OLFM1: variants seen among roughly 807,000 people sequenced by gnomAD.
OLFM1 encodes olfactomedin 1, also known as noelin.
Under a neutral mutation model 49.7 loss-of-function variants are expected in OLFM1, and 9 were observed. The ratio of observed to expected loss-of-function variants is 0.18; its 90% confidence interval spans 0.11 to 0.32. The LOEUF (loss-of-function observed/expected upper bound fraction) is 0.32. Ranked by LOEUF, OLFM1 falls within the 10% of genes least tolerant of loss-of-function variation. OLFM1 has a pLI of 1.00. For missense variants in OLFM1, 369 were observed against 661.8 expected (o/e 0.56, Z 4.85); for synonymous variants, 240 against 271.8 (o/e 0.88, Z 1.15).
At chr9:135,077,388 C>G in intron 1 of OLFM1, 1 of 889,984 alleles carries the variant, frequency 1.1e-6, no homozygotes, top group Non-Finnish European at 1.5e-6. Context: ...CTTTTCCTCC[C>G]TAAGTTCTCC....
chr9:135,076,261 G>A, intron 1 of OLFM1: 1 of 1,550,578 alleles, frequency 6.4e-7, no homozygotes, highest in Admixed American at 2.0e-5. Flanking sequence ...GCTGCCCTTG[G>A]GGGCTCCAGA....
chr9:135,088,240 C>G lies in OLFM1; in HGVS notation c.150+101C>G, dbSNP rs1392703795. 1.8e-6 allele frequency: 2 copies of G among 1,121,252 alleles called. No individual in the cohort carries two copies. The highest frequency in any genetic ancestry group is 2.2e-6 in the Non-Finnish European group (2 of 894,456). The allele number at this position is 1,121,252 out of a possible 1,614,324, so 69.5% of individuals were successfully genotyped here. A position where few individuals can be genotyped will look rare whatever the true frequency, so the allele number is the denominator to read the frequency against. ...GGCTGGGCGGGCGCCGCGCGGGACC[C>G]GAGTCGCCCAGGGAGGCGGCGGGGA... On this transcript the variant is annotated intron_variant, in intron 1 of 5. Transcript: ENST00000371793. This position sits in a 1 kb window ranked among gnomAD's most constrained non-coding sequence, Gnocchi z 4.8.
rs1830641820 is a variant in OLFM1 at position 135,088,934 on chromosome 9, G to A, written c.150+795G>A. Among the ~76,000 whole-genome samples the A allele has an allele frequency of 6.6e-6, 1 of 152,196 alleles. No individual in the cohort carries two copies. The highest frequency in any genetic ancestry group is 2.4e-5 in the African/African-American group (1 of 41,454). On this transcript the variant is annotated intron_variant, in intron 1 of 5. Transcript: ENST00000371793. This position sits in a 1 kb window ranked among gnomAD's most constrained non-coding sequence, Gnocchi z 4.8. ...GCTTCTGGGCAGAGCTGACTTAGAT[G>A]GCTGAGCGAGGCTGAGCTGAAACCG...
chr9:135,090,532 G>A (rs1026753443), intron 2 of OLFM1, among the ~76,000 whole-genome samples, 188 bp downstream of exon 2: 46 of 152,146 alleles, frequency 3.0e-4, no homozygotes, highest in African/African-American at 1.1e-3. Context: ...GGACGGATGG[G>A]TGGATGGGTG....
chr9:135,114,157 G>A (rs1220128891), intron 5 of OLFM1, among the ~76,000 whole-genome samples: 1 of 92,862 alleles, frequency 1.1e-5, no homozygotes, highest in African/African-American at 7.6e-5. Context: ...TTTTGAGACA[G>A]GGTCTCACTC....
rs1831181023 is a variant in OLFM1 at position 135,121,087 on chromosome 9, A to G, written c.*909A>G. On this transcript the variant is annotated 3_prime_UTR_variant, in exon 6 of 6. Coordinates refer to ENST00000371793, the MANE Select transcript of OLFM1 (RefSeq NM_001282611.2). ...GATGGGACAGGAAAGTCATACGGGC[A>G]ACAGTATGCGGAAAGTACGTTTTTT... 6.6e-6 allele frequency: 1 copy of G among 152,350 alleles called. No individual in the cohort carries two copies. The highest frequency in any genetic ancestry group is 6.5e-5 in the Admixed American group (1 of 15,286). 9.4% of individuals were successfully genotyped at this position (152,350 alleles called of 1,614,324 possible). A position where few individuals can be genotyped will look rare whatever the true frequency, so the allele number is the denominator to read the frequency against.
intron 4 of OLFM1, chr9:135,106,119 C>G (rs1830939103): frequency 6.6e-6 from 1 of 152,590 alleles, no homozygotes; most frequent in Non-Finnish European, 1.5e-5. Context: ...TGCGCTCCAG[C>G]TTGGGCTCCT....
chr9:135,088,115 C>A lies in OLFM1; in HGVS notation c.126C>A (p.Gly42=), dbSNP rs559188970. The A allele has an allele frequency of 1.4e-6, 2 of 1,407,600 alleles. No individual in the cohort carries two copies. The highest frequency in any genetic ancestry group is 9.4e-7 in the Non-Finnish European group (1 of 1,064,274). 87.2% of individuals were successfully genotyped at this position (1,407,600 alleles called of 1,614,324 possible). ...CCACCAAGCTCTCGGCGGCCGGCGG[C>A]GGGACGCTGGACCGCAGCACCGGCG... ...LNTTKLSAAG[G]GTLDRSTGVL... The change falls in exon 1 of 6, where the codon GGC becomes GGA. Residue 42 remains glycine, a synonymous_variant. Transcript: ENST00000371793. The surrounding 1 kb of genome is among the most constrained non-coding windows in gnomAD (Gnocchi z 4.8).
intron 2 of OLFM1, among the ~76,000 whole-genome samples, chr9:135,091,682 T>TCACACACAGTCACACACAC (rs1564270847): frequency 1.5e-4 from 2 of 13,248 alleles, no homozygotes; most frequent in Admixed American, 7.3e-4. Flanking sequence ...CACTCACACA[T>TCACACACAGTCACACACAC]AGTCTCACAC....
intron 1 of OLFM1, among the ~76,000 whole-genome samples, chr9:135,078,457 G>A (rs1020496075): frequency 6.6e-5 from 10 of 152,312 alleles, no homozygotes; most frequent in South Asian, 2.1e-4. Context: ...CTGTTCTCCC[G>A]ACAGCTTACT....
At chr9:135,116,560 T>C in intron 5 of OLFM1, among the ~76,000 whole-genome samples, 1 of 151,890 alleles carries the variant, frequency 6.6e-6, no homozygotes, top group East Asian at 1.9e-4. Context: ...GGCTTGTTTG[T>C]GGGGGTGATG....
Position 135,088,865 on chromosome 9 carries a change from G to A in OLFM1, c.150+726G>A, listed in dbSNP as rs560174130. On this transcript the variant is annotated intron_variant, in intron 1 of 5. Coordinates refer to ENST00000371793, the MANE Select transcript of OLFM1 (RefSeq NM_001282611.2). The surrounding 1 kb of genome is among the most constrained non-coding windows in gnomAD (Gnocchi z 4.8). ...TCCTGGCCTCTGAAATTGAAATCGC[G>A]TCTCCCTCTCGAGCCTAGCGGGAGG... 2.2e-4 allele frequency among the ~76,000 whole-genome samples: 34 copies of A among 152,258 alleles called. No individual in the cohort carries two copies. Among genetic ancestry groups the A allele is most frequent in the Non-Finnish European group, 4.4e-4 (30 of 68,018 alleles).
intron 4 of OLFM1, among the ~76,000 whole-genome samples, chr9:135,102,490 G>A (rs1480978910): frequency 2.0e-5 from 3 of 152,144 alleles, no homozygotes; most frequent in Non-Finnish European, 2.9e-5. Flanking sequence ...GGGCCCGGGC[G>A]GCCAGGGCTT....
chr9:135,110,439 A>G lies in OLFM1; in HGVS notation c.783+3584A>G, dbSNP rs75221224. ...GTGATATAATTAGGAAAACACTGTC[A>G]TTTACAAACAGCAGCAAGCTTAGCT... is the stretch of plus-strand genomic sequence containing the variant. On this transcript the variant is annotated intron_variant, in intron 5 of 5. Coordinates refer to ENST00000371793, the MANE Select transcript of OLFM1 (RefSeq NM_001282611.2). Among the ~76,000 whole-genome samples, 1,188 of 152,294 alleles carry G rather than the reference A, an allele frequency of 7.8e-3. 12 individuals are homozygous for G. The highest frequency in any genetic ancestry group is 0.025 in the African/African-American group (1,039 of 41,572).
chr9:135,079,524 G>A (rs984428182), intron 1 of OLFM1, among the ~76,000 whole-genome samples: 2 of 152,152 alleles, frequency 1.3e-5, no homozygotes, highest in Non-Finnish European at 2.9e-5. Context: ...AGAATCACTT[G>A]AACCCAGGAG....
intron 1 of OLFM1, chr9:135,076,627 C>T: frequency 9.1e-7 from 1 of 1,104,582 alleles, no homozygotes; most frequent in Non-Finnish European, 1.2e-6. Context: ...GCCGAGGGAG[C>T]CGGGCTGCTT....
At chr9:135,084,916 T>C (rs1380154098), upstream of OLFM1, among the ~76,000 whole-genome samples, 2 of 152,150 alleles carry the variant, frequency 1.3e-5, no homozygotes, top group Admixed American at 6.5e-5. This position sits in a 1 kb window ranked among gnomAD's most constrained non-coding sequence, Gnocchi z 4.6. Context: ...CAGCTCACCA[T>C]GTGGCTGTCC....
chr9:135,086,242 C>A (rs940879128), upstream of OLFM1, among the ~76,000 whole-genome samples: 3 of 152,240 alleles, frequency 2.0e-5, no homozygotes, highest in African/African-American at 2.4e-5. Flanking sequence ...GGAGATGGCG[C>A]CCTTCCCCAA....
At chr9:135,091,377 G>A (rs767599959) in intron 2 of OLFM1, among the ~76,000 whole-genome samples, 40 of 152,162 alleles carry the variant, frequency 2.6e-4, no homozygotes, top group Non-Finnish European at 5.6e-4. Context: ...TATGGGCAGG[G>A]AACTTTCCCA....
Sources: gnomAD v4.1 joint callset for allele counts (sites outside exome capture counted in the v4.1 genomes callset) on GRCh38, gnomAD v4.1.1 for gene constraint, Gnocchi (gnomAD v3.1) non-coding constraint, MANE v1.5 for transcripts, NCBI Gene and HGNC (gene_info 2026-07-23, HGNC 2026-07-21) for gene names.